The following PIEZO2 variants were observed in gnomAD, a reference collection of about 807,000 sequenced individuals.
PIEZO2 encodes piezo type mechanosensitive ion channel component 2, also known as piezo-type mechanosensitive ion channel component 2.
A neutral mutation model predicts 337.3 loss-of-function variants in PIEZO2; 172 were observed. The ratio of observed to expected loss-of-function variants is 0.51; its 90% CI spans 0.45 to 0.58. The LOEUF (loss-of-function observed/expected upper bound fraction) is 0.58. Among genes scored for constraint, PIEZO2 ranks in the 20% least tolerant of loss-of-function variants. The probability of loss-of-function intolerance (pLI) is 0.00; values close to 1 mark genes in which losing one functional copy is unlikely to be tolerated. For synonymous variants in PIEZO2, 1,251 were observed against 1,228.5 expected, an observed-to-expected ratio of 1.02 and a Z score of -0.38; for missense variants, 3,028 against 3,391.3, an observed-to-expected ratio of 0.89 and a Z score of 2.66.
chr18:10,901,706 C>G (rs1163448464), intron 4 of PIEZO2, among the ~76,000 whole-genome samples: 1 of 152,174 alleles, frequency 6.6e-6, no homozygotes, highest in East Asian at 1.9e-4. Context: ...ATAATATGCC[C>G]TAGGGTGCTG....
chr18:10,750,506 C>T lies in PIEZO2; in HGVS notation c.4168-319G>A, dbSNP rs528643037. Among the ~76,000 whole-genome samples the T allele has an allele frequency of 1.3e-5, 2 of 152,306 alleles. No individual in the cohort carries two copies. Among genetic ancestry groups the T allele is most frequent in the South Asian group, 4.1e-4 (2 of 4,826 alleles). On this transcript the variant is annotated intron_variant, in intron 28 of 55. Coordinates refer to ENST00000674853, the MANE Select transcript of PIEZO2 (RefSeq NM_001378183.1). The surrounding 1 kb of genome is among the most constrained non-coding windows in gnomAD (Gnocchi z 4.1). ...AACTCTGTGATAATGAATGGGTGTG[C>T]ACTGAACCCTAGAACTTGGACTTTG...
chr18:10,725,006 G>C (rs2036473757), intron 36 of PIEZO2: 8 of 1,587,602 alleles, frequency 5.0e-6, no homozygotes, highest in Non-Finnish European at 6.9e-6. Flanking sequence ...AGCGATGCAG[G>C]CCATAGTGCC....
intron 4 of PIEZO2, among the ~76,000 whole-genome samples, chr18:10,880,850 T>TAC (rs2042393693): frequency 1.8e-4 from 1 of 5,466 alleles, no homozygotes. Context: ...ACATATCATA[T>TAC]ATATATATAT....
chr18:11,049,737 C>G (rs1055051204), intron 2 of PIEZO2, among the ~76,000 whole-genome samples: 49 of 152,320 alleles, frequency 3.2e-4, no homozygotes, highest in Non-Finnish European at 1.5e-5. Context: ...GGCTCTCCTT[C>G]TGTCTTGCCT....
In PIEZO2 at chr18:10,942,346, C is replaced by T. The variant is rs1451409852; in HGVS notation, c.287-31118G>A. 6.6e-6 allele frequency among the ~76,000 whole-genome samples: 1 copy of T among 152,144 alleles called. No individual in the cohort carries two copies. The highest frequency in any genetic ancestry group is 1.5e-5 in the Non-Finnish European group (1 of 68,028). On this transcript the variant is annotated intron_variant, in intron 3 of 55. Transcript: ENST00000674853. The surrounding 1 kb of genome is among the most constrained non-coding windows in gnomAD (Gnocchi z 4.4). Reference sequence around the variant, plus strand: ...AACTCCCTAGAGACTTGTTGAATGGCTTTAACCAAAATGCTGATAATGATA... The same window carrying T: ...AACTCCCTAGAGACTTGTTGAATGGTTTTAACCAAAATGCTGATAATGATA...
intron 4 of PIEZO2, among the ~76,000 whole-genome samples, chr18:10,879,391 C>CTTTTTTTTTTT (rs11385433): frequency 9.4e-6 from 1 of 106,040 alleles, no homozygotes; most frequent in African/African-American, 3.8e-5. Context: ...CCTTTCCAAT[C>CTTTTTTTTTTT]TTTTTTTTTT....
At chr18:11,006,625 C>T (rs536235723) in intron 2 of PIEZO2, among the ~76,000 whole-genome samples, 2 of 152,208 alleles carry the variant, frequency 1.3e-5, no homozygotes, top group South Asian at 4.2e-4. Context: ...AGCAGCCAGC[C>T]CAAGGCTACA....
intron 21 of PIEZO2, among the ~76,000 whole-genome samples, chr18:10,768,992 G>A (rs2038481035): frequency 6.6e-6 from 1 of 152,116 alleles, no homozygotes; most frequent in East Asian, 1.9e-4. Context: ...ACCCTGCCAC[G>A]CAGCTTCTCA....
At chr18:10,780,627 C>A (rs189222904) in intron 17 of PIEZO2, among the ~76,000 whole-genome samples, 1 of 151,026 alleles carries the variant, frequency 6.6e-6, no homozygotes, top group Admixed American at 6.6e-5. Flanking sequence ...CCATCTCACA[C>A]ACTTTATTAC....
rs1221487212 is a variant in PIEZO2, at chr18:10,850,503, T to C, written c.917+4850A>G. On this transcript the variant is annotated intron_variant, in intron 7 of 55. Coordinates refer to ENST00000674853, the MANE Select transcript of PIEZO2 (RefSeq NM_001378183.1). The surrounding 1 kb of genome is among the most constrained non-coding windows in gnomAD (Gnocchi z 4.5). ...CAACTTGCTCATCATTAAGTTTTGTTTAGATTTAGAAGTAATGTGGGCACT... is the reference window on the plus strand; with the variant it reads ...CAACTTGCTCATCATTAAGTTTTGTCTAGATTTAGAAGTAATGTGGGCACT... 1.3e-5 allele frequency among the ~76,000 whole-genome samples: 2 copies of C among 152,180 alleles called. No individual in the cohort carries two copies. The highest frequency in any genetic ancestry group is 1.3e-4 in the Admixed American group (2 of 15,276).
At chr18:10,747,803 T>C (rs893026540) in intron 30 of PIEZO2, among the ~76,000 whole-genome samples, 2 of 152,202 alleles carry the variant, frequency 1.3e-5, no homozygotes, top group African/African-American at 2.4e-5. Context: ...AGTCAAATGA[T>C]AGATATTGCT....
chr18:10,801,207 A>T (rs1021658382), intron 10 of PIEZO2, among the ~76,000 whole-genome samples, 183 bp downstream of exon 10: 8 of 152,332 alleles, frequency 5.3e-5, no homozygotes, highest in African/African-American at 1.9e-4. Context: ...ATTTAAATAT[A>T]TTTTGTATGA....
chr18:11,142,875 G>A (rs35428778), intron 1 of PIEZO2, among the ~76,000 whole-genome samples: 4 of 151,560 alleles, frequency 2.6e-5, no homozygotes, highest in African/African-American at 4.8e-5. Flanking sequence ...TCAGGAGATC[G>A]AGACCATCCT....
Position 10,680,213 on chromosome 18 carries a change from T to C in PIEZO2, c.7938A>G (p.Ser2646=), listed in dbSNP as rs759228062. Reference sequence around the variant, plus strand: ...ACAGTAACTACCTCTGAATACTCCATGAAAAAACAACAGAGAAGCTACTAT... The same window carrying C: ...ACAGTAACTACCTCTGAATACTCCACGAAAAAACAACAGAGAAGCTACTAT... ...DPNSSFSVVF[S]WSIQRNLSLG... is the part of the protein sequence containing the mutation. The change falls in exon 52 of 56, where the codon TCA becomes TCG. Residue 2646 remains serine, a synonymous_variant. Coordinates refer to ENST00000674853, the MANE Select transcript of PIEZO2 (RefSeq NM_001378183.1). 7.4e-6 allele frequency: 12 copies of C among 1,612,830 alleles called. No individual in the cohort carries two copies. The highest frequency in any genetic ancestry group is 2.2e-5 in the South Asian group (2 of 90,944).
At position 11,033,128 on chromosome 18, in the gene PIEZO2, C is replaced by T. The variant is rs745533269; in HGVS notation, c.160+32999G>A. ...TAGACAGCACCTTTTGAGCATTTAC[C>T]GTGAGCCCAACACATTACGTCATTG... On this transcript the variant is annotated intron_variant, in intron 2 of 55. Coordinates refer to ENST00000674853, the MANE Select transcript of PIEZO2 (RefSeq NM_001378183.1). The surrounding 1 kb of genome is among the most constrained non-coding windows in gnomAD (Gnocchi z 4.2). 3.3e-5 allele frequency among the ~76,000 whole-genome samples: 5 copies of T among 152,182 alleles called. No homozygotes were observed. The highest frequency in any genetic ancestry group is 3.8e-4 in the East Asian group (2 of 5,196).
rs955782874 is a variant in PIEZO2, at chr18:10,870,057, G to A, written c.492+1196C>T. Among the ~76,000 whole-genome samples the A allele has an allele frequency of 6.6e-6, 1 of 152,104 alleles. No homozygotes were observed. Among genetic ancestry groups the A allele is most frequent in the African/African-American group, 2.4e-5 (1 of 41,404 alleles). On this transcript the variant is annotated intron_variant, in intron 5 of 55. Transcript: ENST00000674853. The surrounding 1 kb of genome is among the most constrained non-coding windows in gnomAD (Gnocchi z 5.3). ...CGCTCAGCTAATTTTTGTATTTTTA[G>A]TAGAGACAGGGTTTCACCATGTTGG...
chr18:10,742,607 C>A lies in PIEZO2; in HGVS notation c.4523G>T (p.Arg1508Leu). The A allele has an allele frequency of 1.3e-6, 2 of 1,536,984 alleles. No homozygotes were observed. The highest frequency in any genetic ancestry group is 2.4e-5 in the South Asian group (2 of 84,034). ...SMDQLKRQMD[R>L]IKARQQKYKK... ...ATATTTCTGTTGCCTGGCCTTGATG[C>A]GATCCATCCTATAAAGTAAAATAAC... The change falls in exon 32 of 56, where the codon CGC becomes CTC. Residue 1508 changes from arginine to leucine, a missense_variant. By Grantham distance (102) the Arg-to-Leu change is moderately radical (BLOSUM62 -2). Coordinates refer to ENST00000674853, the MANE Select transcript of PIEZO2 (RefSeq NM_001378183.1).
chr18:10,705,888 TAGG>T (rs1773203975), intron 40 of PIEZO2, 142 bp from the exon 41 acceptor site: 1 of 1,100,436 alleles, frequency 9.1e-7, no homozygotes, highest in Non-Finnish European at 1.3e-6. Flanking sequence ...TTTGTTCTTT[TAGG>T]ATAATCACTC....
intron 2 of PIEZO2, among the ~76,000 whole-genome samples, chr18:10,992,370 T>G (rs2035142710): frequency 6.6e-6 from 1 of 152,158 alleles, no homozygotes. Context: ...TTAGGTCTTA[T>G]GTTTAAGTGC....
Sources: gnomAD v4.1 joint callset for allele counts (sites outside exome capture counted in the v4.1 genomes callset) on GRCh38, gnomAD v4.1.1 for gene constraint, Gnocchi (gnomAD v3.1) non-coding constraint, MANE v1.5 for transcripts, NCBI Gene and HGNC (gene_info 2026-07-23, HGNC 2026-07-21) for gene names.